PRKN: variants seen among roughly 807,000 people sequenced by gnomAD.
The protein encoded by PRKN is parkin RBR E3 ubiquitin protein ligase.
In PRKN, 56 loss-of-function variants were observed where a neutral mutation model predicts 59.5. That is an observed-to-expected ratio of 0.94 (90% CI 0.76 to 1.18). The LOEUF (loss-of-function observed/expected upper bound fraction) is 1.18. PRKN is among the 50% of genes most tolerant of loss of function. PRKN has a pLI of 0.00. For missense variants in PRKN, 657 were observed against 596.4 expected (o/e 1.10, Z -1.06); for synonymous variants, 250 against 222.1 (o/e 1.13, Z -1.12).
intron 7 of PRKN, among the ~76,000 whole-genome samples, chr6:161,780,717 G>A (rs1790168002): frequency 6.6e-6 from 1 of 152,168 alleles, no homozygotes; most frequent in South Asian, 2.1e-4. Flanking sequence ...GAACATCAAT[G>A]TGATTATAAA....
At chr6:162,242,246 A>G (rs1256441553) in intron 3 of PRKN, among the ~76,000 whole-genome samples, 1 of 152,128 alleles carries the variant, frequency 6.6e-6, no homozygotes, top group African/African-American at 2.4e-5. Context: ...GTGATTCCTC[A>G]TTCTAAGTAT....
At position 162,050,703 on chromosome 6, in the gene PRKN, A is replaced by G. The variant is rs574858217; in HGVS notation, c.618+3388T>C. Among the ~76,000 whole-genome samples, 19 of 152,224 alleles carry G rather than the reference A, an allele frequency of 1.2e-4. No individual in the cohort carries two copies. The South Asian group carries it at 2.5e-3, about 20-fold the overall frequency. ...CACAGGGACCATGACCTTTGAGGAC[A>G]TGACTGGCTGTCTCTCCTGGAGAAG... On this transcript the variant is annotated intron_variant, in intron 5 of 11. Coordinates refer to ENST00000366898, the MANE Select transcript of PRKN (RefSeq NM_004562.3).
At chr6:161,598,815 G>T (rs1207470821) in intron 7 of PRKN, among the ~76,000 whole-genome samples, 1 of 152,152 alleles carries the variant, frequency 6.6e-6, no homozygotes, top group Admixed American at 6.5e-5. Context: ...TGGATGTTAT[G>T]GGTTGAATTT....
chr6:161,732,386 A>C (rs543780062), intron 7 of PRKN, among the ~76,000 whole-genome samples: 3 of 147,532 alleles, frequency 2.0e-5, no homozygotes, highest in Non-Finnish European at 4.5e-5. Flanking sequence ...CCCTCATCCC[A>C]CCCTCCATGC....
intron 2 of PRKN, among the ~76,000 whole-genome samples, chr6:162,306,618 C>G (rs1782239799): frequency 6.6e-6 from 1 of 152,180 alleles, no homozygotes; most frequent in African/African-American, 2.4e-5. Context: ...TGCTCAGCTG[C>G]ACACAACGGA....
Position 162,498,091 on chromosome 6 carries a change from AAG to A in PRKN, c.8-54620_8-54619del, listed in dbSNP as rs769484763. ...CCATTTAAATAGAAAACAACATAAA[AAG>A]AATGTATACATCCTTTACATTGATG... On this transcript the variant is annotated intron_variant, in intron 1 of 11. Transcript: ENST00000366898. Among the ~76,000 whole-genome samples, 86 of 152,290 alleles carry A rather than the reference AAG, an allele frequency of 5.6e-4. 1 individual carries two copies. The highest frequency in any genetic ancestry group is 9.6e-4 in the Non-Finnish European group (65 of 68,016).
chr6:161,973,217 G>C (rs1780890480), intron 6 of PRKN, 85 bp downstream of exon 6: 1 of 884,150 alleles, frequency 1.1e-6, no homozygotes, highest in Non-Finnish European at 1.9e-6. Context: ...ACAATATTGG[G>C]AAAGTAAGGA....
intron 2 of PRKN, among the ~76,000 whole-genome samples, chr6:162,424,061 C>T (rs945598158): frequency 6.6e-6 from 1 of 152,018 alleles, no homozygotes; most frequent in Non-Finnish European, 1.5e-5. Context: ...GACAAGGAAA[C>T]GCCATTCAAT....
intron 7 of PRKN, among the ~76,000 whole-genome samples, chr6:161,569,995 C>T (rs142659190): frequency 5.4e-4 from 82 of 151,784 alleles, no homozygotes; most frequent in Admixed American, 8.5e-4. Flanking sequence ...GGGCATCTTA[C>T]GGAAGGACCA....
At position 162,242,481 on chromosome 6, in the gene PRKN, C is replaced by G. The variant is rs1779024838; in HGVS notation, c.412+20044G>C. On this transcript the variant is annotated intron_variant, in intron 3 of 11. Transcript: ENST00000366898. Reference sequence around the variant, plus strand: ...CTTTATTTTCTAAATGGATCCTTCCCAAGTAAAATGTACCTAAGTACATAA... The same window carrying G: ...CTTTATTTTCTAAATGGATCCTTCCGAAGTAAAATGTACCTAAGTACATAA... Among the ~76,000 whole-genome samples the G allele has an allele frequency of 2.6e-5, 4 of 152,108 alleles. 1 individual carries two copies. The highest frequency in any genetic ancestry group is 2.0e-4 in the Admixed American group (3 of 15,266).
At chr6:161,657,516 G>A (rs1784394454) in intron 7 of PRKN, among the ~76,000 whole-genome samples, 1 of 152,118 alleles carries the variant, frequency 6.6e-6, no homozygotes, top group Non-Finnish European at 1.5e-5. Context: ...CTTTTCATTA[G>A]TAATTTTTTA....
At chr6:162,485,108 T>A (rs544021196) in intron 1 of PRKN, among the ~76,000 whole-genome samples, 1 of 152,222 alleles carries the variant, frequency 6.6e-6, no homozygotes, top group Non-Finnish European at 1.5e-5. Flanking sequence ...CTTACACAAG[T>A]GTTGAGGGCA....
intron 7 of PRKN, among the ~76,000 whole-genome samples, chr6:161,577,570 T>C (rs1237572268): frequency 6.6e-6 from 1 of 152,224 alleles, no homozygotes; most frequent in East Asian, 1.9e-4. Context: ...TTGTAAATTT[T>C]GATGCTTTCA....
chr6:161,458,885 C>T lies in PRKN; in HGVS notation c.1084-72008G>A, dbSNP rs572861536. ...GACTTGCTAGTATCCTTGGTCTAAA[C>T]CTTATAATTACCAGAAGCCATTTTC... is the stretch of plus-strand genomic sequence containing the variant. On this transcript the variant is annotated intron_variant, in intron 9 of 11. Transcript: ENST00000366898. This position sits in a 1 kb window ranked among gnomAD's most constrained non-coding sequence, Gnocchi z 6.1. Among the ~76,000 whole-genome samples, 2 of 151,454 alleles carry T rather than the reference C, an allele frequency of 1.3e-5. No individual in the cohort carries two copies. Among genetic ancestry groups the T allele is most frequent in the Non-Finnish European group, 2.9e-5 (2 of 67,948 alleles).
At chr6:161,915,914 C>T (rs954507056) in intron 6 of PRKN, among the ~76,000 whole-genome samples, 1 of 152,146 alleles carries the variant, frequency 6.6e-6, no homozygotes, top group Middle Eastern at 3.4e-3. Context: ...AGCAAGAATC[C>T]ACAGTGCAAA....
In PRKN at chr6:162,056,903, T is replaced by G. The variant is rs79715216; in HGVS notation, c.535-2729A>C. On this transcript the variant is annotated intron_variant, in intron 4 of 11. Transcript: ENST00000366898. This position sits in a 1 kb window ranked among gnomAD's most constrained non-coding sequence, Gnocchi z 4.9. ...AACTGAGTGCCTCTCGAGTGACCACTGGGGGAGGACTCAGAGCCTTGCCTG... is the reference window on the plus strand; with the variant it reads ...AACTGAGTGCCTCTCGAGTGACCACGGGGGGAGGACTCAGAGCCTTGCCTG... Among the ~76,000 whole-genome samples, 2 of 152,110 alleles carry G rather than the reference T, an allele frequency of 1.3e-5. No individual in the cohort carries two copies. The highest frequency in any genetic ancestry group is 4.1e-4 in the South Asian group (2 of 4,820).
At chr6:162,342,165 A>G (rs1314005863) in intron 2 of PRKN, among the ~76,000 whole-genome samples, 2 of 152,176 alleles carry the variant, frequency 1.3e-5, no homozygotes, top group East Asian at 1.9e-4. Context: ...TTTGGTAGAA[A>G]GTGGCAAAAG....
intron 2 of PRKN, among the ~76,000 whole-genome samples, chr6:162,396,867 C>T (rs1787503197): frequency 6.6e-6 from 1 of 152,136 alleles, no homozygotes. Flanking sequence ...TGAGAAACCA[C>T]AAGTCTGATG....
chr6:162,556,342 G>GTTGTGTGTGT (rs1554243354), intron 1 of PRKN, among the ~76,000 whole-genome samples: 1 of 57,300 alleles, frequency 1.7e-5, no homozygotes, highest in African/African-American at 7.2e-5. Context: ...CTACTCAGCT[G>GTTGTGTGTGT]GTGTGTGTGT....
Sources: allele counts gnomAD v4.1 joint callset (sites outside exome capture counted in the v4.1 genomes callset), GRCh38; gene constraint gnomAD v4.1.1; non-coding constraint Gnocchi (gnomAD v3.1); transcripts MANE v1.5; gene names NCBI Gene and HGNC (gene_info 2026-07-23, HGNC 2026-07-21).